The following KHDRBS2 variants were observed in gnomAD, a reference collection of about 807,000 sequenced individuals.
KHDRBS2 encodes the protein KH domain-containing, RNA-binding, signal transduction-associated protein 2.
A neutral mutation model predicts 44.3 loss-of-function variants in KHDRBS2; 26 were observed. That is an observed-to-expected ratio of 0.59 (90% CI 0.43 to 0.81). The LOEUF (loss-of-function observed/expected upper bound fraction) is 0.81, where lower values mean the gene tolerates loss of function less well. Ranked by LOEUF, KHDRBS2 falls within the 40% of genes least tolerant of loss-of-function variation. The probability of loss-of-function intolerance (pLI) is 0.00; values close to 1 mark genes in which losing one functional copy is unlikely to be tolerated. For missense variants in KHDRBS2, 476 were observed against 433.1 expected, an observed-to-expected ratio of 1.10 and a Z score of -0.88; for synonymous variants, 194 against 151.1, an observed-to-expected ratio of 1.28 and a Z score of -2.08.
rs757971383 is a variant in KHDRBS2, at chr6:61,877,891, A to G, written c.810+16744T>C. On this transcript the variant is annotated intron_variant, in intron 6 of 8. Transcript: ENST00000281156. Reference sequence around the variant, plus strand: ...CTTGTGAAGATTGTTTTTTCATAAAAATTATCTAAAATGTTTAATAGTTGA... The same window carrying G: ...CTTGTGAAGATTGTTTTTTCATAAAGATTATCTAAAATGTTTAATAGTTGA... Among the ~76,000 whole-genome samples the G allele has an allele frequency of 4.6e-5, 7 of 151,888 alleles. No homozygotes were observed. The South Asian group carries it at 1.5e-3, about 31-fold the overall frequency.
chr6:62,080,828 T>A (rs1282381355), intron 2 of KHDRBS2, among the ~76,000 whole-genome samples: 1 of 152,056 alleles, frequency 6.6e-6, no homozygotes, highest in Admixed American at 6.6e-5. Context: ...GGAGTGCTTA[T>A]AACCCTGGCT....
rs1298897484 is a variant in KHDRBS2, at chr6:62,174,748, G to C, written c.219+2437C>G. 6.6e-5 allele frequency among the ~76,000 whole-genome samples: 10 copies of C among 151,760 alleles called. No individual in the cohort carries two copies. In the South Asian group the frequency reaches 2.1e-3, roughly 31 times the overall value. On this transcript the variant is annotated intron_variant, in intron 2 of 8. Coordinates refer to ENST00000281156, the MANE Select transcript of KHDRBS2 (RefSeq NM_152688.4). ...TATTGGTACAGACAGCAGTTGTCAA[G>C]GGGAGAAATGGTTCTGAGAGAAAGC...
intron 6 of KHDRBS2, among the ~76,000 whole-genome samples, chr6:61,736,258 T>C (rs1775346252): frequency 7.6e-6 from 1 of 132,092 alleles, no homozygotes; most frequent in South Asian, 2.5e-4. Flanking sequence ...TAACAACTGT[T>C]AGGATGTGGA....
intron 1 of KHDRBS2, among the ~76,000 whole-genome samples, chr6:62,258,392 C>G (rs1047710866): frequency 2.0e-5 from 3 of 151,922 alleles, no homozygotes; most frequent in Admixed American, 1.3e-4. Context: ...GATGAATGAC[C>G]TTTTTCATTG....
intron 2 of KHDRBS2, among the ~76,000 whole-genome samples, chr6:62,051,678 C>A (rs1282640727): frequency 6.6e-6 from 1 of 151,932 alleles, no homozygotes; most frequent in Non-Finnish European, 1.5e-5. Flanking sequence ...GCAAAGGAAA[C>A]AATCGCCAAA....
chr6:61,779,342 T>C (rs1314423720), intron 6 of KHDRBS2, among the ~76,000 whole-genome samples: 1 of 152,104 alleles, frequency 6.6e-6, no homozygotes, highest in African/African-American at 2.4e-5. Flanking sequence ...CAGGATATAA[T>C]AGTGAAAGAC....
At chr6:61,856,039 T>C (rs547329536) in intron 6 of KHDRBS2, among the ~76,000 whole-genome samples, 3 of 152,258 alleles carry the variant, frequency 2.0e-5, no homozygotes, top group African/African-American at 7.2e-5. Context: ...TTGAGTCACA[T>C]CTGTGATTTT....
In KHDRBS2 at chr6:62,172,544, G is replaced by A. The variant is rs1820229816; in HGVS notation, c.219+4641C>T. Among the ~76,000 whole-genome samples the A allele has an allele frequency of 2.6e-5, 4 of 151,840 alleles. No individual in the cohort carries two copies. In the South Asian group the frequency reaches 6.2e-4, roughly 24 times the overall value. ...GATCATCGTGGCAGAAACTAACAAA[G>A]ATATTCAGAACCTGAACTCAACACT... On this transcript the variant is annotated intron_variant, in intron 2 of 8. Coordinates refer to ENST00000281156, the MANE Select transcript of KHDRBS2 (RefSeq NM_152688.4).
At chr6:62,275,396 A>C (rs1437643722) in intron 1 of KHDRBS2, among the ~76,000 whole-genome samples, 1 of 152,170 alleles carries the variant, frequency 6.6e-6, no homozygotes. Flanking sequence ...CAGAAAAAAA[A>C]CTTAAAACTG....
chr6:61,990,986 G>C (rs545295395), intron 3 of KHDRBS2, among the ~76,000 whole-genome samples: 1 of 152,120 alleles, frequency 6.6e-6, no homozygotes. Flanking sequence ...GGGATTACAG[G>C]CATGAGCCAC....
At chr6:61,964,881 T>A (rs776207170) in intron 4 of KHDRBS2, among the ~76,000 whole-genome samples, 9 of 152,082 alleles carry the variant, frequency 5.9e-5, no homozygotes, top group Non-Finnish European at 8.8e-5. Flanking sequence ...TAAAAGATAC[T>A]TTAGTCAAAT....
chr6:61,970,668 A>G (rs1183917845), intron 4 of KHDRBS2, among the ~76,000 whole-genome samples: 1 of 152,134 alleles, frequency 6.6e-6, no homozygotes, highest in Non-Finnish European at 1.5e-5. Context: ...CACATACCCC[A>G]ACAGGGGAAA....
At chr6:62,142,604 C>G (rs965706939) in intron 2 of KHDRBS2, among the ~76,000 whole-genome samples, 4 of 151,896 alleles carry the variant, frequency 2.6e-5, no homozygotes, top group African/African-American at 9.7e-5. Flanking sequence ...AAATAATCAG[C>G]ATGAACGTTT....
At chr6:61,824,483 G>A (rs547890279) in intron 6 of KHDRBS2, among the ~76,000 whole-genome samples, 36 of 151,984 alleles carry the variant, frequency 2.4e-4, no homozygotes, top group Non-Finnish European at 4.9e-4. Context: ...TTAAGCCTGT[G>A]GAACTGTGAG....
intron 2 of KHDRBS2, among the ~76,000 whole-genome samples, chr6:62,133,404 A>G (rs953276091): frequency 9.9e-5 from 15 of 152,142 alleles, no homozygotes; most frequent in African/African-American, 3.4e-4. Flanking sequence ...GTCATGTAAA[A>G]TGTGTCTTTT....
intron 2 of KHDRBS2, among the ~76,000 whole-genome samples, chr6:62,079,912 A>G (rs1349046583): frequency 6.6e-6 from 1 of 152,084 alleles, no homozygotes; most frequent in African/African-American, 2.4e-5. Flanking sequence ...ATTAATGCCT[A>G]CAGACATTCA....
chr6:61,761,923 A>T (rs1283520844), intron 6 of KHDRBS2, among the ~76,000 whole-genome samples: 2 of 152,214 alleles, frequency 1.3e-5, no homozygotes. Context: ...ACTAACAAAA[A>T]TATCAGTTCA....
intron 6 of KHDRBS2, among the ~76,000 whole-genome samples, chr6:61,809,156 A>C (rs1381517992): frequency 1.3e-5 from 2 of 152,130 alleles, no homozygotes; most frequent in African/African-American, 4.8e-5. Flanking sequence ...CTATATTTGC[A>C]GAAGTCAAAT....
At chr6:61,782,205 G>T (rs1411947500) in intron 6 of KHDRBS2, among the ~76,000 whole-genome samples, 2 of 152,028 alleles carry the variant, frequency 1.3e-5, no homozygotes, top group Non-Finnish European at 2.9e-5. Flanking sequence ...CCAGGAGAAG[G>T]TTTTAATGAA....
Sources: allele counts gnomAD v4.1 joint callset (sites outside exome capture counted in the v4.1 genomes callset), GRCh38; gene constraint gnomAD v4.1.1; transcripts MANE v1.5; gene names NCBI Gene and HGNC (gene_info 2026-07-23, HGNC 2026-07-21).